LPIN2: variants seen among roughly 807,000 people sequenced by gnomAD.
LPIN2 encodes the protein lipin 2.
A neutral mutation model predicts 111.4 loss-of-function variants in LPIN2; 55 were observed. That is an observed-to-expected ratio of 0.49 (90% CI 0.40 to 0.62). The LOEUF (loss-of-function observed/expected upper bound fraction) is 0.62. Among genes scored for constraint, LPIN2 ranks in the 20% least tolerant of loss-of-function variants. The pLI, the probability that LPIN2 is intolerant of heterozygous loss-of-function variation, is 0.00. For missense variants in LPIN2, 992 were observed against 1,112.1 expected (o/e 0.89, Z 1.54); for synonymous variants, 425 against 414.0 (o/e 1.03, Z -0.32).
At chr18:2,985,936 G>C (rs557033867) in intron 1 of LPIN2, among the ~76,000 whole-genome samples, 27 of 152,116 alleles carry the variant, frequency 1.8e-4, no homozygotes, top group Non-Finnish European at 3.7e-4. Context: ...CAATTACAAA[G>C]AATTTCATAA....
intron 1 of LPIN2, among the ~76,000 whole-genome samples, chr18:3,002,958 G>C (rs982023398): frequency 1.3e-5 from 2 of 152,168 alleles, no homozygotes; most frequent in African/African-American, 2.4e-5. Flanking sequence ...TTCACCTTTC[G>C]CCCTTTGTCC....
rs2077579255 is a variant in LPIN2 at position 2,954,386 on chromosome 18, T to G, written c.288+118A>C. On this transcript the variant is annotated intron_variant, in intron 3 of 19. Coordinates refer to ENST00000677752, the MANE Select transcript of LPIN2 (RefSeq NM_001375808.2). The stretch of plus-strand genomic sequence containing the variant: ...CTTCAACATGAAACTAAAGCTTGTC[T>G]TGCCAACAACAGTCCTCTGTACAAT... The G allele has an allele frequency of 5.5e-6, 4 of 732,780 alleles. No homozygotes were observed. In the South Asian group the frequency reaches 5.9e-5, roughly 11 times the overall value. 45.4% of individuals were successfully genotyped at this position (732,780 alleles called of 1,614,324 possible).
rs777620202 is a variant in LPIN2, at chr18:2,951,171, C to T, written c.474G>A (p.Arg158=). The change falls in exon 4 of 20, where the codon AGG becomes AGA. Residue 158 remains arginine, a synonymous_variant. Coordinates refer to ENST00000677752, the MANE Select transcript of LPIN2 (RefSeq NM_001375808.2). ...TACTGTCCTGTTTGTATTTCTTTCTCCTTCGTTTTTTCTTTTTCACAGAAC... is the reference window on the plus strand; with the variant it reads ...TACTGTCCTGTTTGTATTTCTTTCTTCTTCGTTTTTTCTTTTTCACAGAAC... The part of the protein sequence containing the change: ...TPSSVKKKKR[R]RKKYKQDSKK... The T allele has an allele frequency of 6.2e-7, 1 of 1,614,148 alleles. No individual in the cohort carries two copies. Among genetic ancestry groups the T allele is most frequent in the African/African-American group, 1.3e-5 (1 of 75,024 alleles).
rs145723851 is a variant in LPIN2 at position 2,964,961 on chromosome 18, C to A, written c.-9-4112G>T. On this transcript the variant is annotated intron_variant, in intron 1 of 19. Transcript: ENST00000677752. The stretch of plus-strand genomic sequence containing the variant: ...TGACTCTTATGACAATTATTTATGT[C>A]CATCTTTAAAAACGATATTTAAAGA... 5.9e-5 allele frequency among the ~76,000 whole-genome samples: 9 copies of A among 152,236 alleles called. No homozygotes were observed. The East Asian group carries it at 1.7e-3, about 29-fold the overall frequency.
chr18:2,993,515 T>C (rs540686249), intron 1 of LPIN2, among the ~76,000 whole-genome samples: 1 of 152,378 alleles, frequency 6.6e-6, no homozygotes, highest in Non-Finnish European at 1.5e-5. Context: ...TATGGCTTTC[T>C]GAGCATTCAA....
At position 2,925,175 on chromosome 18, in the gene LPIN2, C is replaced by T; in HGVS notation, c.1938+49G>A. The T allele has an allele frequency of 1.2e-6, 2 of 1,609,850 alleles. No individual in the cohort carries two copies. The highest frequency in any genetic ancestry group is 1.7e-6 in the Non-Finnish European group (2 of 1,176,382). On this transcript the variant is annotated intron_variant, in intron 14 of 19. Coordinates refer to ENST00000677752, the MANE Select transcript of LPIN2 (RefSeq NM_001375808.2). This position sits in a 1 kb window ranked among gnomAD's most constrained non-coding sequence, Gnocchi z 4.1. ...GAAGAGGATGTGCATCAAATTAAAC[C>T]ATTACTAAAATAAGTCCTACTGGAC...
At chr18:2,926,177 G>T (rs1400108047) in intron 13 of LPIN2, among the ~76,000 whole-genome samples, 1 of 152,248 alleles carries the variant, frequency 6.6e-6, no homozygotes, top group South Asian at 2.1e-4. Context: ...GATATAGGAT[G>T]GGGGGCGGTA....
At position 2,925,005 on chromosome 18, in the gene LPIN2, G is replaced by C. The variant is rs904193619; in HGVS notation, c.1938+219C>G. On this transcript the variant is annotated intron_variant, in intron 14 of 19. Transcript: ENST00000677752. This position sits in a 1 kb window ranked among gnomAD's most constrained non-coding sequence, Gnocchi z 4.1. The stretch of plus-strand genomic sequence containing the variant: ...TGACTCTCAAGAGATGGAGGAAGGA[G>C]GTCTGGGGTGGGTGGCAGGACCCAA... Among the ~76,000 whole-genome samples, 2 of 152,194 alleles carry C rather than the reference G, an allele frequency of 1.3e-5. No homozygotes were observed. The highest frequency in any genetic ancestry group is 6.5e-5 in the Admixed American group (1 of 15,286).
At chr18:2,974,755 G>A (rs767669983) in intron 1 of LPIN2, among the ~76,000 whole-genome samples, 3 of 152,222 alleles carry the variant, frequency 2.0e-5, no homozygotes, top group Non-Finnish European at 4.4e-5. Flanking sequence ...ACTCTGGGAG[G>A]CCAAGGCAGA....
chr18:2,971,814 G>T (rs181866449), intron 1 of LPIN2, among the ~76,000 whole-genome samples: 9 of 150,600 alleles, frequency 6.0e-5, no homozygotes, highest in African/African-American at 2.2e-4. Flanking sequence ...TTGGGAGGCC[G>T]AGGCGGGGGG....
chr18:3,008,851 A>G (rs1195216433), intron 1 of LPIN2, among the ~76,000 whole-genome samples: 1 of 150,174 alleles, frequency 6.7e-6, no homozygotes, highest in East Asian at 2.0e-4. Flanking sequence ...AGCTGGGATC[A>G]CACAGGTGCC....
intron 9 of LPIN2, among the ~76,000 whole-genome samples, chr18:2,930,983 C>A (rs1430619305): frequency 6.6e-6 from 1 of 152,118 alleles, no homozygotes; most frequent in Non-Finnish European, 1.5e-5. Flanking sequence ...CGCACCCTGG[C>A]AGCTCAGAAA....
intron 16 of LPIN2, 38 bp from the exon 17 acceptor site, chr18:2,922,237 G>A: frequency 1.2e-6 from 2 of 1,605,952 alleles, no homozygotes; most frequent in Non-Finnish European, 1.7e-6. Context: ...ACATGTTCTG[G>A]CTAAGGGAAA....
intron 1 of LPIN2, among the ~76,000 whole-genome samples, chr18:3,001,659 C>T (rs993002192): frequency 1.2e-4 from 18 of 151,932 alleles, no homozygotes; most frequent in African/African-American, 4.4e-4. Flanking sequence ...AGCATGGAAT[C>T]AAATCCCACA....
chr18:3,009,185 G>C (rs2078563427), intron 1 of LPIN2, among the ~76,000 whole-genome samples: 1 of 149,570 alleles, frequency 6.7e-6, no homozygotes, highest in Non-Finnish European at 1.5e-5. Flanking sequence ...GGATCACGAG[G>C]TCAGGAGATC....
In LPIN2 at chr18:2,973,243, T is replaced by C. The variant is rs1055679859; in HGVS notation, c.-9-12394A>G. Among the ~76,000 whole-genome samples, 22 of 152,310 alleles carry C rather than the reference T, an allele frequency of 1.4e-4. 1 individual carries two copies. In the East Asian group the frequency reaches 2.7e-3, roughly 19 times the overall value. On this transcript the variant is annotated intron_variant, in intron 1 of 19. Coordinates refer to ENST00000677752, the MANE Select transcript of LPIN2 (RefSeq NM_001375808.2). Reference sequence around the variant, plus strand: ...TTACAGGCAGGAAAATTAACCCTTTTGTAGTGTACAGTTGTTAGCTGTGAC... The same window carrying C: ...TTACAGGCAGGAAAATTAACCCTTTCGTAGTGTACAGTTGTTAGCTGTGAC...
At chr18:2,946,076 A>G (rs1036673184) in intron 4 of LPIN2, 2 of 1,493,004 alleles carry the variant, frequency 1.3e-6, no homozygotes, top group Non-Finnish European at 1.9e-6. Flanking sequence ...TTCTTACATG[A>G]GGTCCCAATC....
chr18:2,986,630 G>C (rs549620172), intron 1 of LPIN2, among the ~76,000 whole-genome samples: 1 of 151,222 alleles, frequency 6.6e-6, no homozygotes, highest in Non-Finnish European at 1.5e-5. Flanking sequence ...TTTACTGTAA[G>C]AATTAGAGGA....
At chr18:2,939,388 A>C (rs1262835881) in intron 6 of LPIN2, 92 bp downstream of exon 6, 1 of 1,462,398 alleles carries the variant, frequency 6.8e-7, no homozygotes, top group Non-Finnish European at 9.6e-7. Context: ...ATGAGAGCTC[A>C]GTCAGAAATT....
Sources: allele counts gnomAD v4.1 joint callset (sites outside exome capture counted in the v4.1 genomes callset), GRCh38; gene constraint gnomAD v4.1.1; non-coding constraint Gnocchi (gnomAD v3.1); transcripts MANE v1.5; gene names NCBI Gene and HGNC (gene_info 2026-07-23, HGNC 2026-07-21).